Variants in IL1RAPL1 observed in about 807,000 individuals in gnomAD.
IL1RAPL1 encodes interleukin-1 receptor accessory protein-like 1.
In IL1RAPL1, 3 loss-of-function variants were observed where a neutral mutation model predicts 48.4. That is an observed-to-expected ratio of 0.06 (90% CI 0.03 to 0.16). The LOEUF is 0.16. Among genes scored for constraint, IL1RAPL1 ranks in the 10% least tolerant of loss-of-function variants. IL1RAPL1 has a pLI of 1.00. For missense variants in IL1RAPL1, 349 were observed against 530.6 expected (o/e 0.66, Z 3.36); for synonymous variants, 185 against 187.7 (o/e 0.99, Z 0.12).
chrX:29,431,042 C>A (rs1188611133), intron 5 of IL1RAPL1, among the ~76,000 whole-genome samples: 1 of 111,550 alleles, frequency 9.0e-6, no homozygotes, highest in African/African-American at 3.3e-5. Flanking sequence ...TTTCTGGAAG[C>A]CACAAACACA....
At chrX:29,454,634 G>T (rs1007189031) in intron 5 of IL1RAPL1, among the ~76,000 whole-genome samples, 3 of 110,930 alleles carry the variant, frequency 2.7e-5, no homozygotes, top group African/African-American at 9.8e-5. Context: ...GGAATCAAGA[G>T]GAAAAAATTC....
chrX:29,053,002 A>G (rs1180219573), intron 2 of IL1RAPL1, among the ~76,000 whole-genome samples: 1 of 111,012 alleles, frequency 9.0e-6, no homozygotes, highest in African/African-American at 3.3e-5. Context: ...CCCATTAGTT[A>G]TTTTTTCTGA....
At chrX:29,238,824 T>A (rs1310341055) in intron 2 of IL1RAPL1, among the ~76,000 whole-genome samples, 1 of 112,523 alleles carries the variant, frequency 8.9e-6, no homozygotes, top group Non-Finnish European at 1.9e-5. Flanking sequence ...TAGAAGGTAG[T>A]TGTGGACATG....
intron 1 of IL1RAPL1, among the ~76,000 whole-genome samples, chrX:28,634,501 G>A (rs1321498977): frequency 9.2e-6 from 1 of 108,726 alleles, no homozygotes; most frequent in Non-Finnish European, 1.9e-5. Flanking sequence ...ATATATATGT[G>A]TATATATATA....
At chrX:29,671,952 T>G (rs1219496873) in intron 6 of IL1RAPL1, among the ~76,000 whole-genome samples, 1 of 112,380 alleles carries the variant, frequency 8.9e-6, no homozygotes, top group Non-Finnish European at 1.9e-5. Flanking sequence ...ATGTCAGTGT[T>G]GTCTTTAAAA....
chrX:28,597,362 A>G (rs748732047), intron 1 of IL1RAPL1, among the ~76,000 whole-genome samples: 1 of 111,230 alleles, frequency 9.0e-6, no homozygotes, highest in Admixed American at 9.6e-5. Flanking sequence ...GCTTATTCCA[A>G]TTTTCTCATG....
chrX:29,516,437 A>T (rs1416403315), intron 5 of IL1RAPL1, among the ~76,000 whole-genome samples: 2 of 111,377 alleles, frequency 1.8e-5, no homozygotes, highest in Non-Finnish European at 3.8e-5. Flanking sequence ...GGCCTTCTGG[A>T]TGTTATCTCC....
At chrX:29,878,318 G>A (rs1017092594) in intron 6 of IL1RAPL1, among the ~76,000 whole-genome samples, 1 of 111,876 alleles carries the variant, frequency 8.9e-6, no homozygotes, top group Non-Finnish European at 1.9e-5. Context: ...CAACTCAGGG[G>A]ACTCTCCTTC....
intron 6 of IL1RAPL1, among the ~76,000 whole-genome samples, chrX:29,762,912 C>T (rs1233372762): frequency 4.5e-5 from 5 of 111,437 alleles, no homozygotes; most frequent in Admixed American, 2.9e-4. Context: ...CCCTCAGTGT[C>T]GCTCCTGCAC....
intron 2 of IL1RAPL1, among the ~76,000 whole-genome samples, chrX:29,144,636 G>A (rs2147493958): frequency 9.8e-6 from 1 of 102,360 alleles, no homozygotes; most frequent in Non-Finnish European, 2.0e-5. Context: ...GGAAAGATCT[G>A]AATAAATAAT....
chrX:29,805,501 G>T (rs901497389), intron 6 of IL1RAPL1, among the ~76,000 whole-genome samples: 10 of 111,033 alleles, frequency 9.0e-5, no homozygotes, highest in African/African-American at 3.3e-4. Context: ...CTTGCTTTGG[G>T]CATATGCCAG....
chrX:28,893,214 G>A (rs1348264772), intron 2 of IL1RAPL1, among the ~76,000 whole-genome samples: 1 of 111,725 alleles, frequency 9.0e-6, no homozygotes, highest in Non-Finnish European at 1.9e-5. Flanking sequence ...GAGCTTAAAT[G>A]GGCTGTACCT....
At chrX:28,722,457 G>A (rs12156718) in intron 1 of IL1RAPL1, among the ~76,000 whole-genome samples, 9,718 of 111,644 alleles carry the variant, frequency 0.087, 453 homozygotes, top group East Asian at 0.15. Flanking sequence ...TTGAGACTTT[G>A]CTGAAGTTGC....
intron 6 of IL1RAPL1, among the ~76,000 whole-genome samples, chrX:29,801,128 C>T (rs1385067866): frequency 1.1e-5 from 1 of 90,902 alleles, no homozygotes; most frequent in Non-Finnish European, 2.1e-5. Flanking sequence ...AAAACAGCTT[C>T]GTTTCTAGAT....
intron 2 of IL1RAPL1, among the ~76,000 whole-genome samples, chrX:29,209,970 G>A (rs1348707894): frequency 1.8e-5 from 2 of 111,558 alleles, no homozygotes; most frequent in Non-Finnish European, 3.8e-5. Context: ...CATTTTAAAT[G>A]GCTCAGATTA....
intron 1 of IL1RAPL1, among the ~76,000 whole-genome samples, chrX:28,634,854 T>G (rs1205444495): frequency 2.7e-5 from 3 of 111,723 alleles, no homozygotes; most frequent in Non-Finnish European, 5.6e-5. Context: ...TTACAATTAT[T>G]TTAATTATAT....
rs980975341 is a variant in IL1RAPL1 at position 28,705,210 on chromosome X, G to A, written c.-24-84110G>A. ...ACAGAGGCAGTGAGACTAGCAGATA[G>A]TCCCATTGTTTGTAATCTAATAGAA... On this transcript the variant is annotated intron_variant, in intron 1 of 10. Transcript: ENST00000378993. Among the ~76,000 whole-genome samples the A allele has an allele frequency of 3.6e-5, 4 of 111,341 alleles. No individual in the cohort carries two copies. The Admixed American group carries it at 3.8e-4, about 11-fold the overall frequency.
In IL1RAPL1 at chrX:29,516,861, C is replaced by T. The variant is rs758829889; in HGVS notation, c.703+117553C>T. 1.4e-3 allele frequency among the ~76,000 whole-genome samples: 159 copies of T among 111,091 alleles called. 1 individual carries two copies. The highest frequency in any genetic ancestry group is 2.0e-3 in the Non-Finnish European group (107 of 52,903). ...GTATATTAGGTAATACTAAATTATT[C>T]TTCAAAAGTGGTGTACCAATTTACA... is the stretch of plus-strand genomic sequence containing the variant. On this transcript the variant is annotated intron_variant, in intron 5 of 10. Transcript: ENST00000378993.
At chrX:29,725,744 C>T (rs1927759990) in intron 6 of IL1RAPL1, among the ~76,000 whole-genome samples, 1 of 112,011 alleles carries the variant, frequency 8.9e-6, no homozygotes, top group Admixed American at 9.5e-5. Context: ...CATCTATATC[C>T]ATATCTGTGT....
Sources: allele counts gnomAD v4.1 joint callset (sites outside exome capture counted in the v4.1 genomes callset), GRCh38; gene constraint gnomAD v4.1.1; transcripts MANE v1.5; gene names NCBI Gene and HGNC (gene_info 2026-07-23, HGNC 2026-07-21).